Variants in TSPEAR observed in about 807,000 individuals in gnomAD.
The protein encoded by TSPEAR is thrombospondin-type laminin G domain and EAR repeat-containing protein.
TSPEAR carries 69 observed loss-of-function variants against 71.6 expected under a neutral mutation model. The observed-to-expected ratio is 0.96, with a 90% CI of 0.79 to 1.18. TSPEAR has a LOEUF of 1.18. Ranked by LOEUF, TSPEAR falls within the 50% of genes most tolerant of loss-of-function variation. The pLI is 0.00. For missense variants in TSPEAR, 971 were observed against 894.9 expected, an observed-to-expected ratio of 1.09 and a Z score of -1.09; for synonymous variants, 402 against 387.2, an observed-to-expected ratio of 1.04 and a Z score of -0.45.
intron 8 of TSPEAR, among the ~76,000 whole-genome samples, chr21:44,523,436 TAGTC>T (rs1555914557): frequency 1.3e-5 from 2 of 151,556 alleles, no homozygotes; most frequent in African/African-American, 2.4e-5. Flanking sequence ...GTTAGTCAGG[TAGTC>T]AGTTAGGTAG....
rs148095760 is a variant in TSPEAR, at chr21:44,533,812, C to T, written c.415G>A (p.Gly139Ser). Residue 139 changes from glycine to serine, a missense_variant, in exon 3 of 12, where the codon GGC (glycine) becomes AGC (serine). Gly to Ser is a moderately conservative substitution (Grantham distance 56, BLOSUM62 0). Transcript: ENST00000323084. The stretch of plus-strand genomic sequence containing the variant: ...AAGGACACTCGGGTCTGCCAGGCGC[C>T]GGCCGTGTCCTCGCGAAGGAACAGG... ...HFLFLREDTA[G>S]AWQTRVSFRS... is the part of the protein sequence containing the mutation. The T allele has an allele frequency of 1.0e-3, 1,671 of 1,612,508 alleles. 6 individuals are homozygous for T. The highest frequency in any genetic ancestry group is 1.0e-3 in the Non-Finnish European group (1,211 of 1,179,902).
At chr21:44,628,519 A>T (rs1298069774) in intron 1 of TSPEAR, among the ~76,000 whole-genome samples, 5 of 151,818 alleles carry the variant, frequency 3.3e-5, no homozygotes, top group African/African-American at 1.2e-4. Flanking sequence ...GACACCTGGA[A>T]GCTCCTGTCC....
intron 1 of TSPEAR, among the ~76,000 whole-genome samples, chr21:44,618,630 G>A (rs1290368691): frequency 2.6e-5 from 4 of 152,280 alleles, no homozygotes; most frequent in East Asian, 1.9e-4. Flanking sequence ...GGCAGCAGCC[G>A]GAGTTCCTGG....
intron 2 of TSPEAR, among the ~76,000 whole-genome samples, chr21:44,556,080 A>G (rs1310296147): frequency 6.6e-6 from 1 of 152,242 alleles, no homozygotes; most frequent in Non-Finnish European, 1.5e-5. Context: ...AGTTATTCTT[A>G]AGAATTAAGA....
rs149550789 is a variant in TSPEAR at position 44,629,865 on chromosome 21, C to T, written c.83-61860G>A. Among the ~76,000 whole-genome samples, 18 of 152,316 alleles carry T rather than the reference C, an allele frequency of 1.2e-4. No homozygotes were observed. In the East Asian group the frequency reaches 2.7e-3, roughly 23 times the overall value. On this transcript the variant is annotated intron_variant, in intron 1 of 11. Transcript: ENST00000323084. ...CTCACTGGTCCCACCGCAGGAGGCACGGCTCGCTTCCAGAAGGGGAAGGTG... is the reference window on the plus strand; with the variant it reads ...CTCACTGGTCCCACCGCAGGAGGCATGGCTCGCTTCCAGAAGGGGAAGGTG...
chr21:44,687,948 C>T lies in TSPEAR; in HGVS notation c.82+23485G>A, dbSNP rs1357728549. Among the ~76,000 whole-genome samples, 4 of 152,158 alleles carry T rather than the reference C, an allele frequency of 2.6e-5. No homozygotes were observed. Among genetic ancestry groups the T allele is most frequent in the East Asian group, 1.9e-4 (1 of 5,204 alleles). ...TATGATGCACTGACAGAGGCCGGCT[C>T]GGGGGTGAGTATCCGATCAAGCACA... is the stretch of plus-strand genomic sequence containing the variant. On this transcript the variant is annotated intron_variant, in intron 1 of 11. Transcript: ENST00000323084. This position sits in a 1 kb window ranked among gnomAD's most constrained non-coding sequence, Gnocchi z 4.4.
chr21:44,682,996 A>G (rs1986683089), intron 1 of TSPEAR, among the ~76,000 whole-genome samples: 1 of 152,166 alleles, frequency 6.6e-6, no homozygotes, highest in Admixed American at 6.5e-5. Context: ...ACCAGAGAGA[A>G]GCTGCTAGAG....
In TSPEAR at chr21:44,506,344, A is replaced by C. The variant is rs1160667097; in HGVS notation, c.1755-1463T>G. ...GGAAATGGAGGTCGAAGCCATGCACACGCAGGCGTCCTGCTGACATGCAGG... is the reference window on the plus strand; with the variant it reads ...GGAAATGGAGGTCGAAGCCATGCACCCGCAGGCGTCCTGCTGACATGCAGG... On this transcript the variant is annotated intron_variant, in intron 10 of 11. Transcript: ENST00000323084. This position sits in a 1 kb window ranked among gnomAD's most constrained non-coding sequence, Gnocchi z 4.2. 6.6e-6 allele frequency among the ~76,000 whole-genome samples: 1 copy of C among 152,250 alleles called. No individual in the cohort carries two copies. Among genetic ancestry groups the C allele is most frequent in the Non-Finnish European group, 1.5e-5 (1 of 68,046 alleles).
chr21:44,536,908 G>A (rs2053099551), intron 2 of TSPEAR, among the ~76,000 whole-genome samples: 4 of 152,088 alleles, frequency 2.6e-5, no homozygotes, highest in Admixed American at 1.3e-4. Flanking sequence ...CATATATACA[G>A]GATTTATATA....
At position 44,531,049 on chromosome 21, in the gene TSPEAR, C is replaced by A; in HGVS notation, c.627G>T (p.Leu209=). The A allele has an allele frequency of 6.2e-7, 1 of 1,613,498 alleles. No individual in the cohort carries two copies. The highest frequency in any genetic ancestry group is 2.2e-5 in the East Asian group (1 of 44,890). The change falls in exon 4 of 12, where the codon CTG becomes CTT. Residue 209 remains leucine, a synonymous_variant. Transcript: ENST00000323084. ...FVGSRRRAKG[L]FMGLVRQLVL... is the part of the protein sequence containing the mutation. ...GCAGCCCCTCCATACTCGCCATGAA[C>A]AGGCCTTTGGCTCTCCTCCGGCTGC...
At chr21:44,528,712 C>T in intron 5 of TSPEAR, 129 bp from the exon 6 acceptor site, 1 of 1,250,078 alleles carries the variant, frequency 8.0e-7, no homozygotes, top group Non-Finnish European at 1.1e-6. Context: ...AGGGCCCCTG[C>T]AGGCACCTTG....
At chr21:44,693,675 G>GATTTATTTATT (rs1555950052) in intron 1 of TSPEAR, among the ~76,000 whole-genome samples, 1,709 of 152,170 alleles carry the variant, frequency 0.011, 28 homozygotes, top group African/African-American at 0.039. Flanking sequence ...AAAATAACAA[G>GATTTATTTATT]TGTTGGCAAA....
At chr21:44,705,233 A>G (rs1331774725) in intron 1 of TSPEAR, among the ~76,000 whole-genome samples, 1 of 152,190 alleles carries the variant, frequency 6.6e-6, no homozygotes, top group Non-Finnish European at 1.5e-5. Context: ...GTGATTTCCT[A>G]TGCCTGTCTT....
chr21:44,678,496 G>C lies in TSPEAR; in HGVS notation c.82+32937C>G, dbSNP rs145251046. On this transcript the variant is annotated intron_variant, in intron 1 of 11. Transcript: ENST00000323084. ...AGAAGCAGAAGCCTCTATGGTTCCTGTATAGCCTGCAGAACCATAAGCCAA... is the reference window on the plus strand; with the variant it reads ...AGAAGCAGAAGCCTCTATGGTTCCTCTATAGCCTGCAGAACCATAAGCCAA... Among the ~76,000 whole-genome samples, 364 of 152,240 alleles carry C rather than the reference G, an allele frequency of 2.4e-3. 5 individuals carry two copies. The highest frequency in any genetic ancestry group is 0.014 in the Middle Eastern group (4 of 294).
chr21:44,563,299 T>C (rs1437499387), intron 2 of TSPEAR, among the ~76,000 whole-genome samples: 4 of 152,168 alleles, frequency 2.6e-5, no homozygotes, highest in Non-Finnish European at 4.4e-5. Flanking sequence ...TATTGTTGGG[T>C]TTTAACATCT....
intron 1 of TSPEAR, among the ~76,000 whole-genome samples, chr21:44,684,167 A>C (rs1398555430): frequency 6.6e-6 from 1 of 152,252 alleles, no homozygotes; most frequent in Non-Finnish European, 1.5e-5. Flanking sequence ...CAGTGGAGAC[A>C]CATCTTTAAA....
At chr21:44,561,205 C>T (rs941811273) in intron 2 of TSPEAR, among the ~76,000 whole-genome samples, 21 of 152,170 alleles carry the variant, frequency 1.4e-4, no homozygotes, top group Admixed American at 2.0e-4. Flanking sequence ...ACTATAAACA[C>T]CTCTACAAAA....
At chr21:44,694,302 G>C (rs1252067195) in intron 1 of TSPEAR, among the ~76,000 whole-genome samples, 1 of 152,198 alleles carries the variant, frequency 6.6e-6, no homozygotes, top group Non-Finnish European at 1.5e-5. Context: ...AGTGAAATAA[G>C]TCAGTCACAA....
chr21:44,699,535 G>A (rs555235295), intron 1 of TSPEAR, among the ~76,000 whole-genome samples: 11 of 152,116 alleles, frequency 7.2e-5, no homozygotes, highest in Admixed American at 2.0e-4. Flanking sequence ...CCAACACACC[G>A]TTCTTCTCTT....
Sources: gnomAD v4.1 joint callset for allele counts (sites outside exome capture counted in the v4.1 genomes callset) on GRCh38, gnomAD v4.1.1 for gene constraint, Gnocchi (gnomAD v3.1) non-coding constraint, MANE v1.5 for transcripts, NCBI Gene and HGNC (gene_info 2026-07-23, HGNC 2026-07-21) for gene names.